The following CADM2 variants were observed in gnomAD, a reference collection of about 807,000 sequenced individuals.
The protein encoded by CADM2 is immunoglobulin superfamily member 4D.
CADM2 carries 12 observed loss-of-function variants against 49.8 expected under a neutral mutation model. The observed-to-expected ratio is 0.24, with a 90% confidence interval of 0.15 to 0.39. The LOEUF is 0.39. Among genes scored for constraint, CADM2 ranks in the 10% least tolerant of loss-of-function variants. The pLI, the probability that CADM2 is intolerant of heterozygous loss-of-function variation, is 1.00. For missense variants in CADM2, 378 were observed against 492.3 expected, an observed-to-expected ratio of 0.77 and a Z score of 2.20; for synonymous variants, 214 against 175.4, an observed-to-expected ratio of 1.22 and a Z score of -1.74.
intron 8 of CADM2, among the ~76,000 whole-genome samples, chr3:85,967,397 A>G (rs1725609401): frequency 6.6e-6 from 1 of 151,672 alleles, no homozygotes; most frequent in Non-Finnish European, 1.5e-5. Flanking sequence ...TTTCCTTTAG[A>G]GTTGTCAGTA....
At chr3:85,009,001 G>A (rs2033866495) in intron 1 of CADM2, among the ~76,000 whole-genome samples, 1 of 152,156 alleles carries the variant, frequency 6.6e-6, no homozygotes, top group African/African-American at 2.4e-5. Context: ...TCTTGGGATT[G>A]CCATAGTTCT....
intron 2 of CADM2, among the ~76,000 whole-genome samples, chr3:85,787,277 A>G (rs2071048909): frequency 6.6e-6 from 1 of 152,106 alleles, no homozygotes; most frequent in Non-Finnish European, 1.5e-5. Context: ...ATGGGTCTCC[A>G]TTTAATAGGA....
At chr3:84,984,356 TAAA>T (rs375702349) in intron 1 of CADM2, among the ~76,000 whole-genome samples, 23 of 67,056 alleles carry the variant, frequency 3.4e-4, no homozygotes, top group South Asian at 2.3e-3. Context: ...AAGATTAAGC[TAAA>T]AAAAAAAAAA....
At chr3:85,384,834 T>C (rs568454604) in intron 1 of CADM2, among the ~76,000 whole-genome samples, 1 of 152,186 alleles carries the variant, frequency 6.6e-6, no homozygotes, top group East Asian at 1.9e-4. Flanking sequence ...TTTATTGACC[T>C]TTTATTTCAG....
intron 2 of CADM2, among the ~76,000 whole-genome samples, chr3:85,762,297 G>A (rs1194380620): frequency 6.6e-6 from 1 of 152,016 alleles, no homozygotes; most frequent in African/African-American, 2.4e-5. Context: ...CTTCTCCAGT[G>A]TTATTTCTTT....
At chr3:85,378,490 G>T (rs780322581) in intron 1 of CADM2, among the ~76,000 whole-genome samples, 1 of 151,922 alleles carries the variant, frequency 6.6e-6, no homozygotes, top group Non-Finnish European at 1.5e-5. Context: ...AGTTTCGTTG[G>T]TGGGTGAGAG....
chr3:85,239,187 C>A (rs540687962), intron 1 of CADM2, among the ~76,000 whole-genome samples: 1 of 151,704 alleles, frequency 6.6e-6, no homozygotes, highest in Non-Finnish European at 1.5e-5. Context: ...AATTTTTTTT[C>A]TAATTCTTAG....
intron 3 of CADM2, among the ~76,000 whole-genome samples, chr3:85,855,277 T>C (rs2075263800): frequency 6.6e-6 from 1 of 152,064 alleles, no homozygotes; most frequent in Admixed American, 6.6e-5. Context: ...TTGGTCTGTC[T>C]CCTCACCCCA....
At chr3:86,019,539 C>A (rs1261061773) in intron 8 of CADM2, among the ~76,000 whole-genome samples, 3 of 147,920 alleles carry the variant, frequency 2.0e-5, no homozygotes, top group Non-Finnish European at 4.5e-5. Flanking sequence ...TTGTTTGTAT[C>A]CTCTTTTATT....
chr3:85,941,540 G>A (rs6765959), intron 7 of CADM2, among the ~76,000 whole-genome samples: 24,317 of 151,924 alleles, frequency 0.16, 1,952 homozygotes, highest in Admixed American at 0.18. Flanking sequence ...ACCTCAGTTG[G>A]GGTAAAATCC....
intron 1 of CADM2, among the ~76,000 whole-genome samples, chr3:85,520,982 T>C (rs1368762843): frequency 1.3e-5 from 2 of 152,100 alleles, no homozygotes; most frequent in African/African-American, 2.4e-5. Context: ...CAAAATGTGG[T>C]ACAACATAAC....
chr3:85,293,167 C>T (rs934830944), intron 1 of CADM2, among the ~76,000 whole-genome samples: 6 of 152,228 alleles, frequency 3.9e-5, no homozygotes, highest in Non-Finnish European at 7.4e-5. Context: ...CACCTCTACG[C>T]AAATAAACTG....
intron 1 of CADM2, among the ~76,000 whole-genome samples, chr3:85,062,247 T>C (rs537786903): frequency 6.6e-6 from 1 of 152,298 alleles, no homozygotes; most frequent in East Asian, 1.9e-4. Flanking sequence ...TGTGCTTTAC[T>C]ATTCTACCTG....
chr3:85,251,105 G>GT (rs892276342), intron 1 of CADM2, among the ~76,000 whole-genome samples: 43 of 151,312 alleles, frequency 2.8e-4, no homozygotes, highest in African/African-American at 7.7e-4. Flanking sequence ...TTTAAATTGA[G>GT]TTTTTTTTCC....
chr3:85,002,450 T>C (rs1272768356), intron 1 of CADM2, among the ~76,000 whole-genome samples: 2 of 152,058 alleles, frequency 1.3e-5, no homozygotes, highest in East Asian at 3.9e-4. Flanking sequence ...TTTCACTTTA[T>C]TACCCATCAC....
At chr3:85,475,154 C>A (rs1222248715) in intron 1 of CADM2, among the ~76,000 whole-genome samples, 1 of 151,866 alleles carries the variant, frequency 6.6e-6, no homozygotes, top group Non-Finnish European at 1.5e-5. Flanking sequence ...ATAGATTAGA[C>A]AAATGTTCAG....
At chr3:85,237,455 A>G (rs970093405) in intron 1 of CADM2, among the ~76,000 whole-genome samples, 1 of 151,832 alleles carries the variant, frequency 6.6e-6, no homozygotes, top group Non-Finnish European at 1.5e-5. Flanking sequence ...CACAGTGATG[A>G]CAACTTTTCA....
intron 1 of CADM2, among the ~76,000 whole-genome samples, chr3:85,597,881 C>T (rs2063289375): frequency 6.6e-6 from 1 of 151,934 alleles, no homozygotes; most frequent in African/African-American, 2.4e-5. Context: ...TTGGTTAAAA[C>T]CATCTTTTAG....
At chr3:85,083,521 C>T (rs2037253815) in intron 1 of CADM2, among the ~76,000 whole-genome samples, 1 of 152,010 alleles carries the variant, frequency 6.6e-6, no homozygotes, top group South Asian at 2.1e-4. Context: ...GAGATCACAG[C>T]CTTAGGAGAG....
Sources: allele counts gnomAD v4.1 joint callset (sites outside exome capture counted in the v4.1 genomes callset), GRCh38; gene constraint gnomAD v4.1.1; transcripts MANE v1.5; gene names NCBI Gene and HGNC (gene_info 2026-07-23, HGNC 2026-07-21).